MARK3: variants seen among roughly 807,000 people sequenced by gnomAD.
MARK3 encodes the protein microtubule affinity regulating kinase 3.
In MARK3, 46 loss-of-function variants were observed where a neutral mutation model predicts 90.1. The observed-to-expected ratio is 0.51, with a 90% confidence interval of 0.40 to 0.65. The LOEUF (loss-of-function observed/expected upper bound fraction) is 0.65. Ranked by LOEUF, MARK3 falls within the 30% of genes least tolerant of loss-of-function variation. The probability of loss-of-function intolerance (pLI) is 0.00; values close to 1 mark genes in which losing one functional copy is unlikely to be tolerated. For synonymous variants in MARK3, 321 were observed against 332.6 expected (o/e 0.97, Z 0.38); for missense variants, 818 against 947.2 (o/e 0.86, Z 1.79).
chr14:103,502,480 A>T (rs1381265245), intron 17 of MARK3, among the ~76,000 whole-genome samples: 1 of 152,176 alleles, frequency 6.6e-6, no homozygotes, highest in Non-Finnish European at 1.5e-5. Flanking sequence ...ACTGCAGGAG[A>T]GGGACAGCCC....
chr14:103,417,032 T>C (rs1159190336), intron 2 of MARK3, among the ~76,000 whole-genome samples: 1 of 152,166 alleles, frequency 6.6e-6, no homozygotes, highest in Admixed American at 6.6e-5. Flanking sequence ...CCAGGCAGCC[T>C]TAAGGCTTCC....
intron 2 of MARK3, among the ~76,000 whole-genome samples, chr14:103,428,088 G>A (rs556343837): frequency 5.3e-5 from 8 of 152,240 alleles, no homozygotes; most frequent in East Asian, 3.9e-4. Context: ...GAATTGTAGC[G>A]GGACAAAGAT....
chr14:103,428,106 A>G (rs2141036965), intron 2 of MARK3, among the ~76,000 whole-genome samples: 1 of 152,308 alleles, frequency 6.6e-6, no homozygotes, highest in Middle Eastern at 3.4e-3. Context: ...GATCATCTGT[A>G]ACTTCTTCAA....
chr14:103,479,628 C>CTTTTTTTTTTTTTTTTTT lies in MARK3; in HGVS notation c.1483-755_1483-738dup, dbSNP rs34768749. Among the ~76,000 whole-genome samples the CTTTTTTTTTTTTTTTTTT allele has an allele frequency of 5.1e-5, 4 of 78,238 alleles. 1 individual carries two copies. The highest frequency in any genetic ancestry group is 1.1e-4 in the African/African-American group (2 of 18,960). The allele number at this position is 78,238 out of a possible 152,430, so 51.3% of individuals were successfully genotyped here. On this transcript the variant is annotated intron_variant, in intron 13 of 17. Transcript: ENST00000429436. The stretch of plus-strand genomic sequence containing the variant: ...ATGTGTTTCTTGGCCATACGTATAG[C>CTTTTTTTTTTTTTTTTTT]TTTTTTTTTTTTTTTTTTTTTGAGA...
intron 4 of MARK3, among the ~76,000 whole-genome samples, chr14:103,450,970 G>T (rs2093132685): frequency 8.7e-6 from 1 of 115,178 alleles, no homozygotes; most frequent in Admixed American, 1.2e-4. Context: ...TAGCTCTGTT[G>T]TCCAGGCTGG....
At position 103,451,979 on chromosome 14, in the gene MARK3, T is replaced by C; in HGVS notation, c.408T>C (p.Ser136=). ...KTLYLIMEYA[S]GGEVFDYLVA... ...TCTACCTAATCATGGAATATGCAAGTGGAGGTAAGAACATTTTTATATATA... is the reference window on the plus strand; with the variant it reads ...TCTACCTAATCATGGAATATGCAAGCGGAGGTAAGAACATTTTTATATATA... Residue 136 remains serine, a synonymous_variant, in exon 5 of 18, where the codon AGT becomes AGC. Coordinates refer to ENST00000429436, the MANE Select transcript of MARK3 (RefSeq NM_001128918.3). The C allele has an allele frequency of 1.2e-6, 2 of 1,604,878 alleles. No individual in the cohort carries two copies. The highest frequency in any genetic ancestry group is 1.7e-6 in the Non-Finnish European group (2 of 1,173,368).
Position 103,492,043 on chromosome 14 carries a change from T to G in MARK3, c.1844+9T>G, listed in dbSNP as rs530177271. 4.0e-5 allele frequency: 65 copies of G among 1,613,278 alleles called. No homozygotes were observed. In the East Asian group the frequency reaches 6.5e-4, roughly 16 times the overall value. On this transcript the variant is annotated intron_variant, in intron 15 of 17. Transcript: ENST00000429436. ...TCAAAACTCACAAGGAGGTAAGTGC[T>G]AGGTGCTGGTTGTTTTGGAGTGAAC... is the stretch of plus-strand genomic sequence containing the variant.
At chr14:103,404,552 A>C (rs552169116) in intron 1 of MARK3, among the ~76,000 whole-genome samples, 1 of 152,246 alleles carries the variant, frequency 6.6e-6, no homozygotes, top group African/African-American at 2.4e-5. Flanking sequence ...AGGGTCGTCT[A>C]TTAAGGGCCA....
chr14:103,444,066 G>A (rs1252194575), intron 3 of MARK3, among the ~76,000 whole-genome samples: 1 of 133,916 alleles, frequency 7.5e-6, no homozygotes, highest in African/African-American at 2.8e-5. Context: ...TTTTACTTTC[G>A]TATCGGTTGG....
intron 1 of MARK3, among the ~76,000 whole-genome samples, chr14:103,390,930 C>CT (rs1348585847): frequency 2.0e-5 from 3 of 152,142 alleles, no homozygotes; most frequent in Non-Finnish European, 2.9e-5. Flanking sequence ...AAGGTGGTCT[C>CT]TAACTCCTGG....
At chr14:103,502,357 A>G (rs917191244) in intron 17 of MARK3, among the ~76,000 whole-genome samples, 3 of 152,280 alleles carry the variant, frequency 2.0e-5, no homozygotes, top group Non-Finnish European at 2.9e-5. Context: ...TGAGGTGGGT[A>G]GAGCATCATG....
chr14:103,438,358 T>C (rs1000592861), intron 3 of MARK3, among the ~76,000 whole-genome samples: 6 of 152,182 alleles, frequency 3.9e-5, no homozygotes, highest in African/African-American at 1.4e-4. Flanking sequence ...GCTCTCAAGA[T>C]TTTGTGGTTT....
intron 2 of MARK3, among the ~76,000 whole-genome samples, chr14:103,415,009 G>A (rs964191336): frequency 2.6e-5 from 4 of 151,848 alleles, no homozygotes; most frequent in East Asian, 1.9e-4. Flanking sequence ...AAAAATAGCC[G>A]GGGATGGTGG....
intron 3 of MARK3, among the ~76,000 whole-genome samples, chr14:103,430,947 A>G (rs1375323869): frequency 2.6e-5 from 4 of 151,860 alleles, no homozygotes; most frequent in Non-Finnish European, 4.4e-5. Context: ...CAGTCCTTCC[A>G]CTTTAGCCTC....
chr14:103,481,403 C>G (rs938016975), intron 14 of MARK3, among the ~76,000 whole-genome samples: 1 of 152,098 alleles, frequency 6.6e-6, no homozygotes, highest in Non-Finnish European at 1.5e-5. Flanking sequence ...TTTCTTAATC[C>G]TAACCTATGT....
At chr14:103,485,362 C>G (rs1256361659) in intron 14 of MARK3, among the ~76,000 whole-genome samples, 3 of 145,026 alleles carry the variant, frequency 2.1e-5, no homozygotes, top group African/African-American at 7.7e-5. Flanking sequence ...TAGCCTTGAA[C>G]TCCTGGGCTC....
chr14:103,468,151 C>T lies in MARK3; in HGVS notation c.1229C>T (p.Ser410Phe), dbSNP rs10137161. 6.2e-7 allele frequency: 1 copy of T among 1,613,860 alleles called. No homozygotes were observed. The highest frequency in any genetic ancestry group is 1.1e-5 in the South Asian group (1 of 91,072). The part of the protein sequence containing the change: ...SPHHKVQRSV[S>F]SSQKQRRYSD... ...CACCACAAAGTGCAGAGAAGTGTTT[C>T]TTCAAGCCAAAAGCAAAGACGCTAC... The change falls in exon 12 of 18, where the codon TCT becomes TTT. Residue 410 changes from serine (S) to phenylalanine (F), a missense_variant. This residue lies in a region of MARK3 where 560 missense variants were observed against 613.5 expected (regional missense o/e 0.91). Coordinates refer to ENST00000429436, the MANE Select transcript of MARK3 (RefSeq NM_001128918.3).
chr14:103,423,200 C>CTTTTTTTTTTTTTTT (rs10529756), intron 2 of MARK3, among the ~76,000 whole-genome samples: 17,088 of 94,176 alleles, frequency 0.18, 4,436 homozygotes, highest in Non-Finnish European at 0.24. Context: ...GACTTGCAGT[C>CTTTTTTTTTTTTTTT]TTTTTTTTTT....
intron 12 of MARK3, among the ~76,000 whole-genome samples, chr14:103,473,932 C>T (rs1484680637): frequency 1.3e-5 from 2 of 151,544 alleles, no homozygotes; most frequent in Non-Finnish European, 2.9e-5. Flanking sequence ...CGCAGTAGCT[C>T]ATGCCTGTAA....
Sources: allele counts gnomAD v4.1 joint callset (sites outside exome capture counted in the v4.1 genomes callset), GRCh38; gene constraint gnomAD v4.1.1; regional missense constraint gnomAD v4.1.1; transcripts MANE v1.5; gene names NCBI Gene and HGNC (gene_info 2026-07-23, HGNC 2026-07-21).